PCDHGB6: variants seen among roughly 807,000 people sequenced by gnomAD.
The protein encoded by PCDHGB6 is protocadherin gamma subfamily B, 6, also known as protocadherin gamma-B6.
PCDHGB6 carries 51 observed loss-of-function variants against 59.1 expected under a neutral mutation model. The ratio of observed to expected loss-of-function variants is 0.86; its 90% confidence interval spans 0.69 to 1.09. The LOEUF (loss-of-function observed/expected upper bound fraction) is 1.09. Among genes scored for constraint, PCDHGB6 ranks in the 50% least tolerant of loss-of-function variants. The pLI is 0.00. For missense variants in PCDHGB6, 1,148 were observed against 1,205.1 expected, an observed-to-expected ratio of 0.95 and a Z score of 0.70; for synonymous variants, 466 against 495.1, an observed-to-expected ratio of 0.94 and a Z score of 0.78.
At chr5:141,447,214 A>G (rs2098530358) in intron 1 of PCDHGB6, among the ~76,000 whole-genome samples, 1 of 152,092 alleles carries the variant, frequency 6.6e-6, no homozygotes, top group Admixed American at 6.6e-5. Context: ...ATCTCGGCTC[A>G]CTGCAACCTC....
intron 2 of PCDHGB6, among the ~76,000 whole-genome samples, chr5:141,500,431 G>A (rs1340129330): frequency 6.6e-6 from 1 of 151,476 alleles, no homozygotes; most frequent in Non-Finnish European, 1.5e-5. Flanking sequence ...GGATGGTCTC[G>A]ATCTCCTGAC....
At position 141,423,418 on chromosome 5, in the gene PCDHGB6, G is replaced by T. The variant is rs1236092057; in HGVS notation, c.2418+12798G>T. On this transcript the variant is annotated intron_variant, in intron 1 of 3. Transcript: ENST00000520790. ...GTCACGCCTGCTGCAGGCTTCTGAAGGCGGGTTGGCAGGTATGCCCACGTC... is the reference window on the plus strand; with the variant it reads ...GTCACGCCTGCTGCAGGCTTCTGAATGCGGGTTGGCAGGTATGCCCACGTC... 1.2e-6 allele frequency: 2 copies of T among 1,614,022 alleles called. No individual in the cohort carries two copies. Among genetic ancestry groups the T allele is most frequent in the South Asian group, 1.1e-5 (1 of 91,088 alleles).
At chr5:141,420,077 C>A (rs760626443) in intron 1 of PCDHGB6, 1 of 1,613,900 alleles carries the variant, frequency 6.2e-7, no homozygotes, top group Non-Finnish European at 8.5e-7. Context: ...ACCTGTGGGT[C>A]CCCCCAACTA....
At chr5:141,494,514 G>T (rs1457018569) in intron 1 of PCDHGB6, among the ~76,000 whole-genome samples, 2 of 152,160 alleles carry the variant, frequency 1.3e-5, no homozygotes, top group South Asian at 2.1e-4. Context: ...TTTTGGCTCA[G>T]GAGTTCTGAC....
rs1426305491 is a variant in PCDHGB6 at position 141,489,758 on chromosome 5, G to A, written c.2419-5049G>A. 1 of 1,614,084 alleles carries A rather than the reference G, an allele frequency of 6.2e-7. No homozygotes were observed. The highest frequency in any genetic ancestry group is 1.7e-5 in the Admixed American group (1 of 60,020). On this transcript the variant is annotated intron_variant, in intron 1 of 3. Coordinates refer to ENST00000520790, the MANE Select transcript of PCDHGB6 (RefSeq NM_018926.3). The surrounding 1 kb of genome is among the most constrained non-coding windows in gnomAD (Gnocchi z 4.5). ...AATACTGTGAGCTTTTACACTCTAAGCCCCAACAGCCACTTCTCTCTGAAT... is the reference window on the plus strand; with the variant it reads ...AATACTGTGAGCTTTTACACTCTAAACCCCAACAGCCACTTCTCTCTGAAT...
chr5:141,490,080 T>A lies in PCDHGB6; in HGVS notation c.2419-4727T>A, dbSNP rs2099695881. On this transcript the variant is annotated intron_variant, in intron 1 of 3. Coordinates refer to ENST00000520790, the MANE Select transcript of PCDHGB6 (RefSeq NM_018926.3). The surrounding 1 kb of genome is among the most constrained non-coding windows in gnomAD (Gnocchi z 5.4). ...GCACCAACGGCCAACTAGACTATTCTTTTGGAGACCACACATCTGAGGCAG... is the reference window on the plus strand; with the variant it reads ...GCACCAACGGCCAACTAGACTATTCATTTGGAGACCACACATCTGAGGCAG... The A allele has an allele frequency of 6.2e-7, 1 of 1,614,246 alleles. No homozygotes were observed. The highest frequency in any genetic ancestry group is 2.2e-5 in the East Asian group (1 of 44,884).
chr5:141,448,915 A>T (rs2098616551), intron 1 of PCDHGB6, among the ~76,000 whole-genome samples: 1 of 152,238 alleles, frequency 6.6e-6, no homozygotes. Context: ...ACTGCACTCC[A>T]GCCTGGGCGA....
chr5:141,445,341 A>G (rs1165606147), intron 1 of PCDHGB6, among the ~76,000 whole-genome samples: 2 of 152,218 alleles, frequency 1.3e-5, no homozygotes, highest in African/African-American at 4.8e-5. Context: ...AACAGTAAAC[A>G]TTGGTGTCTG....
intron 3 of PCDHGB6, among the ~76,000 whole-genome samples, chr5:141,505,766 C>T (rs1420683619): frequency 2.0e-5 from 3 of 151,768 alleles, no homozygotes; most frequent in African/African-American, 4.8e-5. Context: ...CAGTGTAGCT[C>T]AGGTCCTAGC....
At chr5:141,464,685 C>A (rs1283627323) in intron 1 of PCDHGB6, among the ~76,000 whole-genome samples, 1 of 152,006 alleles carries the variant, frequency 6.6e-6, no homozygotes, top group Non-Finnish European at 1.5e-5. Flanking sequence ...ATTAAAATTT[C>A]TCTTATTATG....
chr5:141,419,072 G>C (rs17208397), intron 1 of PCDHGB6: 242,774 of 1,613,756 alleles, frequency 0.15, 19,855 homozygotes, highest in Non-Finnish European at 0.17. Context: ...CTACAAGCTA[G>C]TAACAGATGA....
At chr5:141,468,853 G>C (rs893773356) in intron 1 of PCDHGB6, among the ~76,000 whole-genome samples, 5 of 150,898 alleles carry the variant, frequency 3.3e-5, no homozygotes, top group Non-Finnish European at 7.4e-5. Flanking sequence ...GCAACAGAGC[G>C]AGACTCCATC....
At chr5:141,501,987 G>A (rs1462571527) in intron 2 of PCDHGB6, among the ~76,000 whole-genome samples, 2 of 152,016 alleles carry the variant, frequency 1.3e-5, no homozygotes, top group Non-Finnish European at 2.9e-5. Flanking sequence ...TGGTCCCGTT[G>A]TCTCCCTGAC....
chr5:141,485,247 G>T lies in PCDHGB6; in HGVS notation c.2419-9560G>T. On this transcript the variant is annotated intron_variant, in intron 1 of 3. Coordinates refer to ENST00000520790, the MANE Select transcript of PCDHGB6 (RefSeq NM_018926.3). The surrounding 1 kb of genome is among the most constrained non-coding windows in gnomAD (Gnocchi z 5.7). ...CTTTTGTTCCTCTTTTACCACCTGG[G>T]TTACGTTTGTGGGCAGATCCGCTAC... The T allele has an allele frequency of 2.5e-6, 4 of 1,614,156 alleles. No individual in the cohort carries two copies. The highest frequency in any genetic ancestry group is 3.4e-6 in the Non-Finnish European group (4 of 1,180,010).
intron 1 of PCDHGB6, chr5:141,417,038 T>TAAA (rs567249795): frequency 5.5e-5 from 8 of 145,968 alleles, no homozygotes; most frequent in East Asian, 2.0e-4. Context: ...GTTTTTTTTT[T>TAAA]AAAAAAAACT....
At chr5:141,419,527 C>T (rs755936657) in intron 1 of PCDHGB6, 4 of 1,612,064 alleles carry the variant, frequency 2.5e-6, no homozygotes, top group Non-Finnish European at 2.5e-6. Context: ...GCGACCGTAA[C>T]GACAACGCAC....
At chr5:141,430,781 C>T (rs559701152) in intron 1 of PCDHGB6, 6 of 1,510,922 alleles carry the variant, frequency 4.0e-6, no homozygotes, top group South Asian at 2.7e-5. Context: ...GCGACTGCAC[C>T]GGGACTACAA....
chr5:141,502,238 T>C (rs2099813398), intron 2 of PCDHGB6, among the ~76,000 whole-genome samples: 1 of 152,204 alleles, frequency 6.6e-6, no homozygotes, highest in Admixed American at 6.5e-5. Flanking sequence ...TGTGTTCTTT[T>C]ATCCTTTTTT....
intron 1 of PCDHGB6, among the ~76,000 whole-genome samples, chr5:141,456,640 TG>T (rs1258175023): frequency 6.6e-6 from 1 of 152,130 alleles, no homozygotes; most frequent in Non-Finnish European, 1.5e-5. Flanking sequence ...TTACTACAGG[TG>T]TTAATCCCAA....
Sources: gnomAD v4.1 joint callset for allele counts (sites outside exome capture counted in the v4.1 genomes callset) on GRCh38, gnomAD v4.1.1 for gene constraint, Gnocchi (gnomAD v3.1) non-coding constraint, MANE v1.5 for transcripts, NCBI Gene and HGNC (gene_info 2026-07-23, HGNC 2026-07-21) for gene names.